FAM216A: variants seen among roughly 807,000 people sequenced by gnomAD.
The protein encoded by FAM216A is family with sequence similarity 216 member A.
Under a neutral mutation model 37.6 loss-of-function variants are expected in FAM216A, and 26 were observed. That is an observed-to-expected ratio of 0.69 (90% CI 0.51 to 0.96). The LOEUF (loss-of-function observed/expected upper bound fraction) is 0.96. Ranked by LOEUF, FAM216A falls within the 40% of genes least tolerant of loss-of-function variation. The pLI is 0.00. For missense variants in FAM216A, 326 were observed against 339.3 expected, an observed-to-expected ratio of 0.96 and a Z score of 0.31; for synonymous variants, 110 against 121.7, an observed-to-expected ratio of 0.90 and a Z score of 0.64.
At chr12:110,477,757 G>T (rs1156478723) in intron 2 of FAM216A, among the ~76,000 whole-genome samples, 1 of 151,204 alleles carries the variant, frequency 6.6e-6, no homozygotes. Context: ...GCGCAGGCTG[G>T]AGTGCAGTGG....
chr12:110,481,581 C>G (rs2062747274), intron 2 of FAM216A, among the ~76,000 whole-genome samples: 1 of 150,002 alleles, frequency 6.7e-6, no homozygotes, highest in South Asian at 2.1e-4. Flanking sequence ...CAGGCTTGGT[C>G]TCGACTCCCA....
At chr12:110,469,403 C>T in intron 1 of FAM216A, 1 of 209,494 alleles carries the variant, frequency 4.8e-6, no homozygotes, top group Non-Finnish European at 9.4e-6. Context: ...GGAAGATGTC[C>T]CCCGGTTCAA....
At chr12:110,468,530 G>C, upstream of FAM216A, 1 of 1,537,298 alleles carries the variant, frequency 6.5e-7, no homozygotes, top group Non-Finnish European at 8.7e-7. Flanking sequence ...GCTTCGGTCC[G>C]TGGTTTGCGT....
Position 110,486,713 on chromosome 12 carries a change from G to C in FAM216A, c.616G>C (p.Glu206Gln). 1 of 1,612,550 alleles carries C rather than the reference G, an allele frequency of 6.2e-7. No homozygotes were observed. The highest frequency in any genetic ancestry group is 1.3e-5 in the African/African-American group (1 of 74,904). Residue 206 changes from glutamate (E) to glutamine (Q), a missense_variant, in exon 5 of 7, where the codon GAA becomes CAA. Glu to Gln is a conservative substitution (Grantham distance 29). Transcript: ENST00000377673. ...HSLWRPVRNKEGIKTGYASKT... is the reference protein window; with the variant it reads ...HSLWRPVRNKQGIKTGYASKT... ...CCTTTGGCGGCCAGTGAGAAACAAA[G>C]AAGGGTCTGTTTCTTAGTGTAAAAG...
intron 6 of FAM216A, 75 bp from the exon 7 acceptor site, chr12:110,489,944 C>G: frequency 1.4e-6 from 1 of 727,998 alleles, no homozygotes; most frequent in South Asian, 1.5e-5. Context: ...TATTAATAAG[C>G]CAGGTCATTT....
chr12:110,471,212 C>T (rs1482767091), intron 1 of FAM216A, among the ~76,000 whole-genome samples: 4 of 151,986 alleles, frequency 2.6e-5, no homozygotes, highest in Non-Finnish European at 4.4e-5. Flanking sequence ...CTCCTGCCTC[C>T]TGAGTAGCTG....
intron 1 of FAM216A, among the ~76,000 whole-genome samples, chr12:110,470,470 C>G (rs938520996): frequency 6.9e-6 from 1 of 145,532 alleles, no homozygotes; most frequent in African/African-American, 2.7e-5. Context: ...TCAGGAGATA[C>G]GTGAATTTTT....
At chr12:110,485,327 G>C (rs1445999797) in intron 3 of FAM216A, 128 bp downstream of exon 3, 3 of 685,608 alleles carry the variant, frequency 4.4e-6, no homozygotes, top group African/African-American at 1.8e-5. Context: ...TAATTGTCTA[G>C]GAGTCAATAA....
chr12:110,487,700 C>A (rs2062784885), intron 5 of FAM216A, 161 bp from the exon 6 acceptor site: 6 of 624,294 alleles, frequency 9.6e-6, no homozygotes, highest in Non-Finnish European at 1.4e-5. Flanking sequence ...ACTGCAGCAG[C>A]TTTACATGTC....
At chr12:110,482,104 CAG>C (rs2062750416) in intron 2 of FAM216A, among the ~76,000 whole-genome samples, 1 of 149,888 alleles carries the variant, frequency 6.7e-6, no homozygotes, top group East Asian at 2.0e-4. Context: ...TTTTTTGAGA[CAG>C]AGTCTCACTC....
intron 5 of FAM216A, 170 bp downstream of exon 5, chr12:110,486,887 C>A: frequency 1.6e-6 from 1 of 615,770 alleles, no homozygotes; most frequent in Non-Finnish European, 2.8e-6. Context: ...TCCCAAGTAG[C>A]TAGGGCTAAA....
At chr12:110,488,284 G>A (rs542959205) in intron 6 of FAM216A, among the ~76,000 whole-genome samples, 9 of 151,884 alleles carry the variant, frequency 5.9e-5, no homozygotes, top group Non-Finnish European at 1.0e-4. Context: ...GATGGCAGGC[G>A]CCTGTAATCC....
intron 4 of FAM216A, 34 bp downstream of exon 4, chr12:110,486,488 T>C (rs533623239): frequency 6.2e-7 from 1 of 1,607,406 alleles, no homozygotes; most frequent in Non-Finnish European, 8.5e-7. Flanking sequence ...TTCACTAGTT[T>C]TTACAATTAG....
At chr12:110,476,427 C>G (rs2062715008) in intron 2 of FAM216A, among the ~76,000 whole-genome samples, 1 of 151,986 alleles carries the variant, frequency 6.6e-6, no homozygotes, top group Non-Finnish European at 1.5e-5. Flanking sequence ...CCAGGATGGT[C>G]TCAATCTCCT....
intron 2 of FAM216A, among the ~76,000 whole-genome samples, chr12:110,477,962 C>T (rs1339400758): frequency 6.6e-6 from 1 of 152,162 alleles, no homozygotes; most frequent in African/African-American, 2.4e-5. Context: ...CCACCTCTGC[C>T]TCCCAAAGTG....
intron 2 of FAM216A, among the ~76,000 whole-genome samples, chr12:110,480,462 CA>C (rs1304806915): frequency 6.6e-6 from 1 of 151,756 alleles, no homozygotes; most frequent in Non-Finnish European, 1.5e-5. Context: ...CTCGGCCTCC[CA>C]AAGTGCTGGG....
intron 1 of FAM216A, 48 bp downstream of exon 1, chr12:110,469,066 G>T: frequency 2.2e-6 from 3 of 1,385,320 alleles, no homozygotes; most frequent in Non-Finnish European, 2.8e-6. Context: ...GGGCCCCCGG[G>T]TCGTGAGGCC....
chr12:110,482,610 A>G (rs1035825913), intron 2 of FAM216A, among the ~76,000 whole-genome samples: 3 of 151,500 alleles, frequency 2.0e-5, no homozygotes, highest in Admixed American at 6.6e-5. Flanking sequence ...CCTGGCTAAC[A>G]TGGTGAAACC....
chr12:110,487,877 G>T lies in FAM216A; in HGVS notation c.637G>T (p.Ala213Ser), dbSNP rs142309342. The T allele has an allele frequency of 1.3e-6, 2 of 1,599,854 alleles. No homozygotes were observed. Among genetic ancestry groups the T allele is most frequent in the Non-Finnish European group, 1.7e-6 (2 of 1,168,746 alleles). ...TTCTTATAGGATAAAAACTGGATAT[G>T]CATCTAAAACAAGATGTAAGTCACT... ...RNKEGIKTGY[A>S]SKTRCKSLKI... Residue 213 changes from alanine to serine, a missense_variant, in exon 6 of 7, where the codon GCA (alanine) becomes TCA (serine). Transcript: ENST00000377673.
Sources: gnomAD v4.1 joint callset for allele counts (sites outside exome capture counted in the v4.1 genomes callset) on GRCh38, gnomAD v4.1.1 for gene constraint, MANE v1.5 for transcripts, NCBI Gene and HGNC (gene_info 2026-07-23, HGNC 2026-07-21) for gene names.